The following STOML3 variants were observed in gnomAD, a reference collection of about 807,000 sequenced individuals.
STOML3 encodes the protein stomatin-like protein 3.
In STOML3, 31 loss-of-function variants were observed where a neutral mutation model predicts 29.5. That is an observed-to-expected ratio of 1.05 (90% CI 0.79 to 1.42). STOML3 has a LOEUF of 1.42. Ranked by LOEUF, STOML3 falls within the 40% of genes most tolerant of loss-of-function variation. The pLI, the probability that STOML3 is intolerant of heterozygous loss-of-function variation, is 0.00. For synonymous variants in STOML3, 122 were observed against 139.8 expected, an observed-to-expected ratio of 0.87 and a Z score of 0.90; for missense variants, 380 against 363.0, an observed-to-expected ratio of 1.05 and a Z score of -0.38.
At chr13:38,990,831 TGA>T (rs1223705474), upstream of STOML3, 3 of 937,602 alleles carry the variant, frequency 3.2e-6, no homozygotes, top group African/African-American at 3.3e-5. Flanking sequence ...GGAGAAAGTA[TGA>T]GAGAGTGAAA....
At position 38,966,519 on chromosome 13, in the gene STOML3, C is replaced by T. The variant is rs1880649169; in HGVS notation, c.*306G>A. The T allele has an allele frequency of 4.5e-6, 1 of 223,496 alleles. No homozygotes were observed. The highest frequency in any genetic ancestry group is 5.3e-5 in the Admixed American group (1 of 18,992). 13.8% of individuals were successfully genotyped at this position (223,496 alleles called of 1,614,324 possible). A position where few individuals can be genotyped will look rare whatever the true frequency, so the allele number is the denominator to read the frequency against. ...AATTCTGAAACATTAGTCATAGTCA[C>T]CCAATGATTTCTTCTCATACTACCA... On this transcript the variant is annotated 3_prime_UTR_variant, in exon 7 of 7. Transcript: ENST00000379631.
intron 1 of STOML3, among the ~76,000 whole-genome samples, chr13:38,987,740 T>C (rs1188167714): frequency 2.4e-5 from 3 of 126,366 alleles, no homozygotes; most frequent in African/African-American, 9.0e-5. Context: ...TAAATATATA[T>C]AAAATATATA....
chr13:38,984,956 T>C (rs1043316461), intron 1 of STOML3, among the ~76,000 whole-genome samples: 54 of 152,290 alleles, frequency 3.5e-4, no homozygotes, highest in African/African-American at 1.2e-3. Context: ...GAGGGTGATG[T>C]TCAGCAACAT....
rs1406705502 is a variant in STOML3, at chr13:38,966,613, T to C, written c.*212A>G. 4 of 404,146 alleles carry C rather than the reference T, an allele frequency of 9.9e-6. No homozygotes were observed. The highest frequency in any genetic ancestry group is 6.0e-5 in the African/African-American group (3 of 49,590). 25.0% of individuals were successfully genotyped at this position (404,146 alleles called of 1,614,324 possible). ...TATAAGAATATTACAAAGTTGATTA[T>C]GGTCCTAAAAATAAAAGTAATATAC... On this transcript the variant is annotated 3_prime_UTR_variant, in exon 7 of 7. Transcript: ENST00000379631.
rs564324198 is a variant in STOML3 at position 38,980,425 on chromosome 13, G to A, written c.53-3628C>T. Among the ~76,000 whole-genome samples the A allele has an allele frequency of 1.2e-3, 186 of 152,274 alleles. 1 individual carries two copies. Among genetic ancestry groups the A allele is most frequent in the African/African-American group, 4.4e-3 (181 of 41,554 alleles). On this transcript the variant is annotated intron_variant, in intron 1 of 6. Coordinates refer to ENST00000379631, the MANE Select transcript of STOML3 (RefSeq NM_145286.3). ...AAACTAGGATGCTATACTGAGAACA[G>A]TTTTTGAAGATTACAATTCTGACTG... is the stretch of plus-strand genomic sequence containing the variant.
chr13:38,984,059 C>A (rs987741682), intron 1 of STOML3, among the ~76,000 whole-genome samples: 3 of 152,124 alleles, frequency 2.0e-5, no homozygotes, highest in African/African-American at 7.2e-5. Context: ...ATACCATCAC[C>A]ATCACCCCAA....
In STOML3 at chr13:38,966,751, C is replaced by G; in HGVS notation, c.*74G>C. 1 of 1,247,184 alleles carries G rather than the reference C, an allele frequency of 8.0e-7. No individual in the cohort carries two copies. Among genetic ancestry groups the G allele is most frequent in the Non-Finnish European group, 1.2e-6 (1 of 865,532 alleles). 77.3% of individuals were successfully genotyped at this position (1,247,184 alleles called of 1,614,324 possible). Reference sequence around the variant, plus strand: ...ACATGAACAGTGTTGGAATTCTCACCGTTTCTAACTACTGGCTTCTCCATA... The same window carrying G: ...ACATGAACAGTGTTGGAATTCTCACGGTTTCTAACTACTGGCTTCTCCATA... On this transcript the variant is annotated 3_prime_UTR_variant, in exon 7 of 7. Coordinates refer to ENST00000379631, the MANE Select transcript of STOML3 (RefSeq NM_145286.3).
chr13:38,981,690 A>G (rs1434576892), intron 1 of STOML3, among the ~76,000 whole-genome samples: 1 of 152,176 alleles, frequency 6.6e-6, no homozygotes, highest in African/African-American at 2.4e-5. Context: ...TTACACATCA[A>G]AAAAATGAAA....
intron 1 of STOML3, among the ~76,000 whole-genome samples, chr13:38,984,118 G>T (rs1002715698): frequency 1.3e-5 from 2 of 151,946 alleles, no homozygotes; most frequent in East Asian, 3.9e-4. Context: ...CTTCACACAC[G>T]GGCTCTTCCT....
At chr13:38,978,522 T>G (rs1014674485) in intron 1 of STOML3, among the ~76,000 whole-genome samples, 3 of 152,060 alleles carry the variant, frequency 2.0e-5, no homozygotes, top group African/African-American at 7.2e-5. Flanking sequence ...CCCATTCGCA[T>G]CCCATGATCT....
chr13:38,969,075 T>C (rs567084787), intron 5 of STOML3, among the ~76,000 whole-genome samples: 18 of 152,324 alleles, frequency 1.2e-4, no homozygotes, highest in Non-Finnish European at 2.4e-4. Context: ...CAGCAATGAC[T>C]CAATGCATAT....
rs1284847402 is a variant in STOML3, at chr13:38,990,713, A to T, written c.9T>A (p.Ser3=). The T allele has an allele frequency of 1.2e-6, 2 of 1,613,928 alleles. No individual in the cohort carries two copies. The highest frequency in any genetic ancestry group is 1.7e-6 in the Non-Finnish European group (2 of 1,179,888). The change falls in exon 1 of 7, where the codon TCT becomes TCA. Residue 3 remains serine (S), a synonymous_variant. Transcript: ENST00000379631. Reference sequence around the variant, plus strand: ...CTTGCTTCTCAGGTGAAGACACCCTAGAATCCATCTCATTCTTGAGAAGCT... The same window carrying T: ...CTTGCTTCTCAGGTGAAGACACCCTTGAATCCATCTCATTCTTGAGAAGCT... MD[S]RVSSPEKQDK...
intron 1 of STOML3, among the ~76,000 whole-genome samples, chr13:38,982,985 T>G (rs948381369): frequency 1.3e-5 from 2 of 152,176 alleles, no homozygotes; most frequent in African/African-American, 4.8e-5. Context: ...TATATAAAAA[T>G]TCAGATTCAC....
chr13:38,968,117 C>G (rs1880724331), intron 6 of STOML3, among the ~76,000 whole-genome samples: 1 of 152,010 alleles, frequency 6.6e-6, no homozygotes, highest in Non-Finnish European at 1.5e-5. Flanking sequence ...TTAAATTCTC[C>G]CCAGGGAACA....
At chr13:38,987,861 TTA>T (rs1364513383) in intron 1 of STOML3, among the ~76,000 whole-genome samples, 8 of 83,886 alleles carry the variant, frequency 9.5e-5, no homozygotes, top group Admixed American at 1.9e-4. Context: ...ATATTATATG[TTA>T]TATATAATAT....
intron 1 of STOML3, among the ~76,000 whole-genome samples, chr13:38,984,169 G>T (rs1868416549): frequency 6.6e-6 from 1 of 152,134 alleles, no homozygotes; most frequent in Non-Finnish European, 1.5e-5. Flanking sequence ...ACTTTTGATG[G>T]TCTTTCAGTG....
In STOML3 at chr13:38,978,812, G is replaced by A. The variant is rs148843464; in HGVS notation, c.53-2015C>T. The stretch of plus-strand genomic sequence containing the variant: ...TCATGAATATTTAGGAGAATTCTGG[G>A]TTTTTGCTCTTATAAGCGATGTTTT... On this transcript the variant is annotated intron_variant, in intron 1 of 6. Coordinates refer to ENST00000379631, the MANE Select transcript of STOML3 (RefSeq NM_145286.3). Among the ~76,000 whole-genome samples the A allele has an allele frequency of 4.1e-4, 62 of 152,222 alleles. 2 individuals are homozygous for A. Among genetic ancestry groups the A allele is most frequent in the Admixed American group, 3.5e-3 (54 of 15,284 alleles).
intron 1 of STOML3, among the ~76,000 whole-genome samples, chr13:38,985,217 A>G (rs1174174725): frequency 1.3e-5 from 2 of 152,162 alleles, no homozygotes; most frequent in South Asian, 2.1e-4. Flanking sequence ...TGAGGTCAGG[A>G]GTCCAAGACC....
At chr13:38,978,809 T>C (rs1881180512) in intron 1 of STOML3, among the ~76,000 whole-genome samples, 1 of 152,236 alleles carries the variant, frequency 6.6e-6, no homozygotes, top group South Asian at 2.1e-4. Flanking sequence ...AGGAGAATTC[T>C]GGGTTTTTGC....
Sources: allele counts gnomAD v4.1 joint callset (sites outside exome capture counted in the v4.1 genomes callset), GRCh38; gene constraint gnomAD v4.1.1; transcripts MANE v1.5; gene names NCBI Gene and HGNC (gene_info 2026-07-23, HGNC 2026-07-21).